LRRFIP2: variants seen among roughly 807,000 people sequenced by gnomAD.
The protein encoded by LRRFIP2 is LRR binding FLII interacting protein 2.
In LRRFIP2, 109 loss-of-function variants were observed where a neutral mutation model predicts 125.9. The ratio of observed to expected loss-of-function variants is 0.87; its 90% CI spans 0.74 to 1.01. The LOEUF is 1.01. LRRFIP2 is among the 50% of genes least tolerant of loss of function. LRRFIP2 has a pLI of 0.00. For missense variants in LRRFIP2, 850 were observed against 862.3 expected (o/e 0.99, Z 0.18); for synonymous variants, 291 against 293.1 (o/e 0.99, Z 0.07).
intron 18 of LRRFIP2, among the ~76,000 whole-genome samples, chr3:37,084,277 G>A (rs2092873580): frequency 6.6e-6 from 1 of 151,944 alleles, no homozygotes; most frequent in Non-Finnish European, 1.5e-5. Flanking sequence ...TTCCTGTTCT[G>A]CATAAAAATG....
intron 8 of LRRFIP2, among the ~76,000 whole-genome samples, chr3:37,111,372 A>G (rs1181068230): frequency 6.6e-6 from 1 of 152,232 alleles, no homozygotes; most frequent in Non-Finnish European, 1.5e-5. Flanking sequence ...GGACAACTGA[A>G]TAATTACCAG....
Position 37,149,161 on chromosome 3 carries a change from C to G in LRRFIP2, c.-55-123G>C, listed in dbSNP as rs933307036. On this transcript the variant is annotated intron_variant, in intron 1 of 27. Coordinates refer to ENST00000336686, the MANE Select transcript of LRRFIP2 (RefSeq NM_006309.4). ...TACCTCTTCCCACTACCAAATTATT[C>G]CAATAAATTTTAGAATATTTAATTT... The G allele has an allele frequency of 5.5e-5, 36 of 650,046 alleles. No homozygotes were observed. In the South Asian group the frequency reaches 9.7e-4, roughly 18 times the overall value. 40.3% of individuals were successfully genotyped at this position (650,046 alleles called of 1,614,324 possible). A position where few individuals can be genotyped will look rare whatever the true frequency, so the allele number is the denominator to read the frequency against.
At chr3:37,153,517 G>A (rs547945551) in intron 1 of LRRFIP2, among the ~76,000 whole-genome samples, 5 of 152,082 alleles carry the variant, frequency 3.3e-5, no homozygotes, top group Non-Finnish European at 7.4e-5. Context: ...ACCACTTCTG[G>A]TAGCATTCTT....
At position 37,066,293 on chromosome 3, in the gene LRRFIP2, G is replaced by A. The variant is rs2090130189; in HGVS notation, c.1497C>T (p.Cys499=). ...TGAGCATATCTCGCTCATTCCTAAG[G>A]CAGGCAATGTATTCTTTCTGTTTCT... The part of the protein sequence containing the change: ...ALEKQKEYIA[C]LRNERDMLRE... The change falls in exon 22 of 28, where the codon TGC becomes TGT. Residue 499 remains cysteine (C), a synonymous_variant. Coordinates refer to ENST00000336686, the MANE Select transcript of LRRFIP2 (RefSeq NM_006309.4). 2.5e-6 allele frequency: 4 copies of A among 1,614,138 alleles called. No homozygotes were observed. Among genetic ancestry groups the A allele is most frequent in the Non-Finnish European group, 1.7e-6 (2 of 1,179,980 alleles).
chr3:37,140,530 C>G (rs547531683), intron 2 of LRRFIP2: 1 of 151,704 alleles, frequency 6.6e-6, no homozygotes, highest in African/African-American at 2.4e-5. Context: ...CTCAGGAGTT[C>G]AAGGCCAGCC....
chr3:37,142,240 G>A (rs993959171), intron 2 of LRRFIP2, among the ~76,000 whole-genome samples: 1 of 150,856 alleles, frequency 6.6e-6, no homozygotes, highest in African/African-American at 2.4e-5. Context: ...CTGGGCTCAG[G>A]CAATCCTCCC....
At chr3:37,117,683 A>C (rs1032589753) in intron 6 of LRRFIP2, among the ~76,000 whole-genome samples, 13 of 152,230 alleles carry the variant, frequency 8.5e-5, no homozygotes, top group Non-Finnish European at 5.9e-5. Flanking sequence ...AGTTTTCATT[A>C]GGAAACAAAC....
Position 37,053,843 on chromosome 3 carries a change from T to C in LRRFIP2, c.*8A>G, listed in dbSNP as rs1469883595. ...AAGGAGCATCACCCAGGTTGAAGGG[T>C]GGTTTTCCTACTGCTGGGCCAGAAG... is the stretch of plus-strand genomic sequence containing the variant. On this transcript the variant is annotated 3_prime_UTR_variant, in exon 28 of 28. Coordinates refer to ENST00000336686, the MANE Select transcript of LRRFIP2 (RefSeq NM_006309.4). 1.2e-6 allele frequency: 2 copies of C among 1,600,258 alleles called. No individual in the cohort carries two copies. The highest frequency in any genetic ancestry group is 1.7e-5 in the Admixed American group (1 of 59,996).
chr3:37,108,546 T>C, intron 12 of LRRFIP2, 91 bp downstream of exon 12: 1 of 1,067,608 alleles, frequency 9.4e-7, no homozygotes, highest in Non-Finnish European at 1.4e-6. Flanking sequence ...TATATTTTTC[T>C]TTTTTATTAA....
At chr3:37,141,316 AG>A (rs1412550139) in intron 2 of LRRFIP2, among the ~76,000 whole-genome samples, 1 of 152,194 alleles carries the variant, frequency 6.6e-6, no homozygotes, top group African/African-American at 2.4e-5. Flanking sequence ...TAAATTCCTC[AG>A]CACACAAATC....
At chr3:37,078,708 C>T (rs2092358176) in intron 19 of LRRFIP2, among the ~76,000 whole-genome samples, 1 of 152,146 alleles carries the variant, frequency 6.6e-6, no homozygotes, top group Non-Finnish European at 1.5e-5. Context: ...ATCTCTAGCA[C>T]TCATACTAAA....
intron 20 of LRRFIP2, 111 bp downstream of exon 20, chr3:37,074,913 T>C: frequency 7.0e-6 from 5 of 710,280 alleles, no homozygotes; most frequent in Non-Finnish European, 9.9e-6. Flanking sequence ...CAGTCAAATA[T>C]AAAGAGACAA....
At chr3:37,093,334 C>G (rs553232469) in intron 17 of LRRFIP2, 1 of 152,782 alleles carries the variant, frequency 6.5e-6, no homozygotes, top group African/African-American at 2.4e-5. Flanking sequence ...CCTGGACTCT[C>G]CTCTCACCCA....
In LRRFIP2 at chr3:37,058,928, G is replaced by A. The variant is rs1246466855; in HGVS notation, c.1750-18C>T. ...TTTCTAATCTGAAATGAAAATAAAGGTTCATCAGCAAGATCCAATCTCTCA... is the reference window on the plus strand; with the variant it reads ...TTTCTAATCTGAAATGAAAATAAAGATTCATCAGCAAGATCCAATCTCTCA... On this transcript the variant is annotated intron_variant, in intron 24 of 27. Coordinates refer to ENST00000336686, the MANE Select transcript of LRRFIP2 (RefSeq NM_006309.4). 6.2e-7 allele frequency: 1 copy of A among 1,612,852 alleles called. No homozygotes were observed. The highest frequency in any genetic ancestry group is 1.8e-4 in the Middle Eastern group (1 of 5,564).
At chr3:37,149,116 C>T in intron 1 of LRRFIP2, 78 bp from the exon 2 acceptor site, 3 of 1,238,414 alleles carry the variant, frequency 2.4e-6, no homozygotes, top group Non-Finnish European at 3.3e-6. Context: ...TCACTTTTAA[C>T]AGAGAAATTA....
At position 37,110,035 on chromosome 3, in the gene LRRFIP2, G is replaced by A. The variant is rs41285103; in HGVS notation, c.514-332C>T. On this transcript the variant is annotated intron_variant, in intron 9 of 27. Coordinates refer to ENST00000336686, the MANE Select transcript of LRRFIP2 (RefSeq NM_006309.4). ...CTGAGGGAAAGAGGGTCATGGTACC[G>A]GGAGTGTGGAAAACAGTGGCCACAT... 2.4e-3 allele frequency among the ~76,000 whole-genome samples: 372 copies of A among 151,994 alleles called. 2 individuals are homozygous for A. Among genetic ancestry groups the A allele is most frequent in the Non-Finnish European group, 4.2e-3 (287 of 67,962 alleles).
chr3:37,108,412 T>A (rs2094428118), intron 12 of LRRFIP2, among the ~76,000 whole-genome samples: 1 of 152,222 alleles, frequency 6.6e-6, no homozygotes, highest in African/African-American at 2.4e-5. Flanking sequence ...TCCCTAATAC[T>A]TGAAATCATG....
intron 1 of LRRFIP2, among the ~76,000 whole-genome samples, chr3:37,165,634 C>T (rs2150322465): frequency 6.6e-6 from 1 of 151,670 alleles, no homozygotes; most frequent in East Asian, 2.0e-4. Flanking sequence ...TGCCTGTAAT[C>T]CCATCTACTC....
Position 37,122,754 on chromosome 3 carries a change from T to A in LRRFIP2, c.229-1063A>T, listed in dbSNP as rs564544309. Among the ~76,000 whole-genome samples, 429 of 151,532 alleles carry A rather than the reference T, an allele frequency of 2.8e-3. 3 individuals carry two copies. The highest frequency in any genetic ancestry group is 9.5e-3 in the African/African-American group (394 of 41,332). On this transcript the variant is annotated intron_variant, in intron 4 of 27. Transcript: ENST00000336686. ...TCGAATAATGCCATAAGCAGATTTT[T>A]AAAAAAAAATGATTGCAGCCTAACA... is the stretch of plus-strand genomic sequence containing the variant.
Sources: gnomAD v4.1 joint callset for allele counts (sites outside exome capture counted in the v4.1 genomes callset) on GRCh38, gnomAD v4.1.1 for gene constraint, MANE v1.5 for transcripts, NCBI Gene and HGNC (gene_info 2026-07-23, HGNC 2026-07-21) for gene names.